The following PLGRKT variants were observed in gnomAD, a reference collection of about 807,000 sequenced individuals.
The protein encoded by PLGRKT is plasminogen receptor (KT).
PLGRKT carries 22 observed loss-of-function variants against 18.5 expected under a neutral mutation model. The ratio of observed to expected loss-of-function variants is 1.19; its 90% CI spans 0.85 to 1.70. The LOEUF (loss-of-function observed/expected upper bound fraction) is 1.70, where lower values mean the gene tolerates loss of function less well. PLGRKT is among the 40% of genes most tolerant of loss of function. The probability of loss-of-function intolerance (pLI) is 0.00; values close to 1 mark genes in which losing one functional copy is unlikely to be tolerated. For missense variants in PLGRKT, 235 were observed against 174.4 expected (o/e 1.35, Z -1.96); for synonymous variants, 72 against 52.8 (o/e 1.36, Z -1.58).
intron 2 of PLGRKT, among the ~76,000 whole-genome samples, chr9:5,435,154 TCAAGTACC>T (rs1406208729): frequency 6.6e-6 from 1 of 151,890 alleles, no homozygotes; most frequent in Non-Finnish European, 1.5e-5. Flanking sequence ...CTCCCTAATC[TCAAGTACC>T]CAGGGACACA....
chr9:5,430,072 G>A (rs1203947588), intron 3 of PLGRKT, among the ~76,000 whole-genome samples: 1 of 152,122 alleles, frequency 6.6e-6, no homozygotes, highest in Non-Finnish European at 1.5e-5. Flanking sequence ...CACTCATTTC[G>A]CCCGTGCCCA....
intron 3 of PLGRKT, among the ~76,000 whole-genome samples, chr9:5,394,278 A>G (rs1373394341): frequency 6.6e-6 from 1 of 151,896 alleles, no homozygotes; most frequent in Admixed American, 6.6e-5. Flanking sequence ...GGAGGCAGAC[A>G]TATTTACTAG....
Position 5,371,249 on chromosome 9 carries a change from G to A in PLGRKT, c.82-9361C>T, listed in dbSNP as rs12341891. Among the ~76,000 whole-genome samples, 354 of 152,302 alleles carry A rather than the reference G, an allele frequency of 2.3e-3. 3 individuals are homozygous for A. Among genetic ancestry groups the A allele is most frequent in the African/African-American group, 8.0e-3 (333 of 41,554 alleles). On this transcript the variant is annotated intron_variant, in intron 3 of 5. Coordinates refer to ENST00000223864, the MANE Select transcript of PLGRKT (RefSeq NM_018465.4). Reference sequence around the variant, plus strand: ...TTTCTAAAAAGATCAGAAGATGCCAGTAAGTTGAGCAGCTGACAGAACCTA... The same window carrying A: ...TTTCTAAAAAGATCAGAAGATGCCAATAAGTTGAGCAGCTGACAGAACCTA...
At chr9:5,368,661 T>C (rs1817449125) in intron 3 of PLGRKT, among the ~76,000 whole-genome samples, 1 of 152,256 alleles carries the variant, frequency 6.6e-6, no homozygotes, top group Non-Finnish European at 1.5e-5. Flanking sequence ...GATGGAATCA[T>C]TCGTACCCCA....
At chr9:5,421,367 C>G (rs1283072106) in intron 3 of PLGRKT, among the ~76,000 whole-genome samples, 1 of 152,172 alleles carries the variant, frequency 6.6e-6, no homozygotes, top group African/African-American at 2.4e-5. Flanking sequence ...ATGGGGTTTC[C>G]CATTCACCCA....
rs576780760 is a variant in PLGRKT at position 5,424,702 on chromosome 9, G to T, written c.81+7195C>A. On this transcript the variant is annotated intron_variant, in intron 3 of 5. Transcript: ENST00000223864. ...TATATATATATATATACACACAGGGGGGGGAGAGAGGGAGAGACAGAGAGA... is the reference window on the plus strand; with the variant it reads ...TATATATATATATATACACACAGGGTGGGGAGAGAGGGAGAGACAGAGAGA... Among the ~76,000 whole-genome samples, 108 of 120,810 alleles carry T rather than the reference G, an allele frequency of 8.9e-4. 1 individual carries two copies. Among genetic ancestry groups the T allele is most frequent in the Non-Finnish European group, 1.2e-3 (75 of 63,596 alleles). 79.3% of individuals were successfully genotyped at this position (120,810 alleles called of 152,430 possible).
rs78126368 is a variant in PLGRKT at position 5,387,416 on chromosome 9, G to C, written c.82-25528C>G. The stretch of plus-strand genomic sequence containing the variant: ...TTAATCCACATGACCATCAACAGCA[G>C]AATGGATAATTATGGTGTATTCATA... On this transcript the variant is annotated intron_variant, in intron 3 of 5. Transcript: ENST00000223864. Among the ~76,000 whole-genome samples the C allele has an allele frequency of 3.1e-3, 477 of 151,966 alleles. 12 individuals carry two copies. Among genetic ancestry groups the C allele is most frequent in the African/African-American group, 0.01 (429 of 41,278 alleles).
chr9:5,430,536 T>G (rs1266685503), intron 3 of PLGRKT, among the ~76,000 whole-genome samples: 2 of 152,232 alleles, frequency 1.3e-5, no homozygotes, highest in African/African-American at 4.8e-5. Context: ...GAAGCATTTT[T>G]CTAAAAACTT....
intron 3 of PLGRKT, among the ~76,000 whole-genome samples, chr9:5,369,863 T>C (rs1238051793): frequency 1.3e-5 from 2 of 152,090 alleles, no homozygotes; most frequent in Admixed American, 1.3e-4. Flanking sequence ...CCACATGTTC[T>C]CACTCATATG....
At chr9:5,381,961 C>G (rs1563773076) in intron 3 of PLGRKT, 1 of 985,252 alleles carries the variant, frequency 1.0e-6, no homozygotes, top group Non-Finnish European at 1.2e-6. Context: ...TGAGCCAGCT[C>G]TCAAGCACAA....
chr9:5,423,001 C>A (rs573210821), intron 3 of PLGRKT, among the ~76,000 whole-genome samples: 4 of 152,226 alleles, frequency 2.6e-5, no homozygotes, highest in South Asian at 2.1e-4. Context: ...TTAAAATTTT[C>A]TTTTTATCAT....
At chr9:5,411,531 T>C (rs1818366562) in intron 3 of PLGRKT, among the ~76,000 whole-genome samples, 2 of 152,304 alleles carry the variant, frequency 1.3e-5, no homozygotes, top group Admixed American at 1.3e-4. Flanking sequence ...TATCCATGGT[T>C]ACTGAACCAG....
rs201547310 is a variant in PLGRKT at position 5,395,888 on chromosome 9, GTTTTTT to G, written c.82-34006_82-34001del. On this transcript the variant is annotated intron_variant, in intron 3 of 5. Transcript: ENST00000223864. ...TTAGGGTTCATCCTCTAACCTAACA[GTTTTTT>G]TTTTTTTTTTTTTTCCTGAGACAGA... 6.1e-4 allele frequency among the ~76,000 whole-genome samples: 79 copies of G among 129,788 alleles called. 1 individual carries two copies. The highest frequency in any genetic ancestry group is 7.8e-3 in the Middle Eastern group (2 of 256). 85.1% of individuals were successfully genotyped at this position (129,788 alleles called of 152,430 possible).
chr9:5,373,057 T>C (rs1817553014), intron 3 of PLGRKT, among the ~76,000 whole-genome samples: 1 of 152,338 alleles, frequency 6.6e-6, no homozygotes, highest in South Asian at 2.1e-4. Context: ...ATGGACAGTG[T>C]ATCTGATTGC....
At chr9:5,398,704 C>T (rs575899261) in intron 3 of PLGRKT, among the ~76,000 whole-genome samples, 5 of 152,002 alleles carry the variant, frequency 3.3e-5, no homozygotes, top group Admixed American at 1.3e-4. Context: ...CCTCATTTTA[C>T]ATCATAAAGC....
At chr9:5,399,071 C>T (rs1323398261) in intron 3 of PLGRKT, among the ~76,000 whole-genome samples, 2 of 151,464 alleles carry the variant, frequency 1.3e-5, no homozygotes, top group African/African-American at 2.4e-5. Context: ...TTCCTCCTCT[C>T]GCCTTCCCAC....
chr9:5,395,531 A>C (rs6476971), intron 3 of PLGRKT, among the ~76,000 whole-genome samples: 41,013 of 151,696 alleles, frequency 0.27, 6,449 homozygotes, highest in African/African-American at 0.4. Context: ...TTCATTATGA[A>C]ATAAGAAAGT....
intron 3 of PLGRKT, among the ~76,000 whole-genome samples, chr9:5,399,488 G>A (rs540738073): frequency 5.9e-5 from 9 of 151,350 alleles, no homozygotes; most frequent in South Asian, 4.2e-4. Flanking sequence ...TAGATTGTCC[G>A]GTCCTTGCAA....
chr9:5,405,044 T>C (rs1028234881), intron 3 of PLGRKT, among the ~76,000 whole-genome samples: 8 of 151,494 alleles, frequency 5.3e-5, no homozygotes, highest in African/African-American at 1.9e-4. Flanking sequence ...ACAAAGAAAA[T>C]AAAATGCCTA....
Sources: gnomAD v4.1 joint callset for allele counts (sites outside exome capture counted in the v4.1 genomes callset) on GRCh38, gnomAD v4.1.1 for gene constraint, MANE v1.5 for transcripts, NCBI Gene and HGNC (gene_info 2026-07-23, HGNC 2026-07-21) for gene names.